NLE1: variants seen among roughly 807,000 people sequenced by gnomAD.
The protein encoded by NLE1 is notchless homolog 1, also known as notchless protein homolog 1.
In NLE1, 37 loss-of-function variants were observed where a neutral mutation model predicts 62.8. That is an observed-to-expected ratio of 0.59 (90% CI 0.45 to 0.78). The LOEUF is 0.78. Among genes scored for constraint, NLE1 ranks in the 30% least tolerant of loss-of-function variants. The pLI, the probability that NLE1 is intolerant of heterozygous loss-of-function variation, is 0.00. For missense variants in NLE1, 555 were observed against 637.9 expected, an observed-to-expected ratio of 0.87 and a Z score of 1.40; for synonymous variants, 243 against 253.0, an observed-to-expected ratio of 0.96 and a Z score of 0.37.
intron 4 of NLE1, 57 bp downstream of exon 4, chr17:35,139,177 AG>A (rs1321646980): frequency 1.4e-6 from 2 of 1,468,876 alleles, no homozygotes; most frequent in East Asian, 4.6e-5. Flanking sequence ...TGGTCAACAG[AG>A]CAAGACCTTG....
Position 35,136,171 on chromosome 17 carries a change from G to A in NLE1, c.1009C>T (p.Arg337Trp), listed in dbSNP as rs768695761. The A allele has an allele frequency of 1.4e-5, 23 of 1,614,012 alleles. No homozygotes were observed. The highest frequency in any genetic ancestry group is 4.0e-5 in the African/African-American group (3 of 74,912). The change falls in exon 9 of 13, where the codon CGG becomes TGG. Residue 337 changes from arginine (R) to tryptophan (W), a missense_variant and splice_region_variant. Transcript: ENST00000442241. ...ERALSRYNLV[R>W]GQGPERLVSG... ...GCACGTGGCTGGCACACACTCACCCGCACGAGGTTGTATCGGCTCAGAGCC... is the reference window on the plus strand; with the variant it reads ...GCACGTGGCTGGCACACACTCACCCACACGAGGTTGTATCGGCTCAGAGCC...
chr17:35,132,840 C>T (rs921309546), intron 12 of NLE1, among the ~76,000 whole-genome samples: 2 of 152,258 alleles, frequency 1.3e-5, no homozygotes, highest in African/African-American at 4.8e-5. Flanking sequence ...GGTCTTGCGA[C>T]TCTGAAGTCT....
At chr17:35,138,562 GCC>G (rs2091923739) in intron 4 of NLE1, among the ~76,000 whole-genome samples, 1 of 152,088 alleles carries the variant, frequency 6.6e-6, no homozygotes. Context: ...TTCTGCCTCA[GCC>G]TCCCCAGTGG....
At chr17:35,136,604 T>C (rs2091910496) in intron 7 of NLE1, 107 bp from the exon 8 acceptor site, 3 of 1,373,312 alleles carry the variant, frequency 2.2e-6, no homozygotes, top group East Asian at 2.4e-5. Flanking sequence ...CACTCATGCA[T>C]TGTGATCTTA....
In NLE1 at chr17:35,129,684, TGGG is replaced by T. The variant is rs747402264; in HGVS notation, c.*2750_*2752del. 1.2e-6 allele frequency: 2 copies of T among 1,607,444 alleles called. No homozygotes were observed. Among genetic ancestry groups the T allele is most frequent in the South Asian group, 2.2e-5 (2 of 90,292 alleles). ...GTGAGCCCTGGGAAAAGAGGGGCCT[TGGG>T]GGTGGAGAGAAGTCCAAAGCCAGGG... On this transcript the variant is annotated 3_prime_UTR_variant, in exon 13 of 13. Coordinates refer to ENST00000442241, the MANE Select transcript of NLE1 (RefSeq NM_018096.5).
Position 35,139,263 on chromosome 17 carries a change from G to T in NLE1, c.432C>A (p.Ser144Arg), listed in dbSNP as rs1485909774. The change falls in exon 4 of 13, where the codon AGC (serine) becomes AGA (arginine). Residue 144 changes from serine to arginine, a missense_variant. Transcript: ENST00000442241. ...GDTTVRFWDL[S>R]TETPHFTCKG... ...TGCATGTGAAATGTGGTGTCTCTGT[G>T]CTGAGATCCCAGAAGCGCACGGTGG... The T allele has an allele frequency of 6.2e-7, 1 of 1,613,988 alleles. No individual in the cohort carries two copies. The highest frequency in any genetic ancestry group is 8.5e-7 in the Non-Finnish European group (1 of 1,179,912).
intron 6 of NLE1, 71 bp downstream of exon 6, chr17:35,137,472 G>A (rs552781748): frequency 1.6e-6 from 2 of 1,269,222 alleles, no homozygotes; most frequent in East Asian, 2.4e-5. Context: ...AAACTTCTAT[G>A]CATTGGGCAG....
At chr17:35,137,458 C>G in intron 6 of NLE1, 85 bp downstream of exon 6, 3 of 1,164,728 alleles carry the variant, frequency 2.6e-6, no homozygotes, top group Non-Finnish European at 3.7e-6. Flanking sequence ...TGTCCCCTCA[C>G]GTAAAACTTC....
At position 35,130,538 on chromosome 17, in the gene NLE1, C is replaced by A. The variant is rs564841104; in HGVS notation, c.*1899G>T. On this transcript the variant is annotated 3_prime_UTR_variant, in exon 13 of 13. Coordinates refer to ENST00000442241, the MANE Select transcript of NLE1 (RefSeq NM_018096.5). ...CCATACCACCAGCACCCTGCGGGCC[C>A]GGGGTCTGGCAGAGTGGTATGGGCA... 268 of 1,269,592 alleles carry A rather than the reference C, an allele frequency of 2.1e-4. No individual in the cohort carries two copies. In the African/African-American group the frequency reaches 3.6e-3, roughly 17 times the overall value. 78.6% of individuals were successfully genotyped at this position (1,269,592 alleles called of 1,614,324 possible).
In NLE1 at chr17:35,130,594, T is replaced by A; in HGVS notation, c.*1843A>T. 2.7e-6 allele frequency: 2 copies of A among 751,864 alleles called. No homozygotes were observed. The highest frequency in any genetic ancestry group is 4.0e-4 in the Middle Eastern group (1 of 2,518). 46.6% of individuals were successfully genotyped at this position (751,864 alleles called of 1,614,324 possible). Reference sequence around the variant, plus strand: ...CCCCTGGGCTGGGGCCAAGGCTACATAGGGGCCCCATTCACCTGGAGGCAT... The same window carrying A: ...CCCCTGGGCTGGGGCCAAGGCTACAAAGGGGCCCCATTCACCTGGAGGCAT... On this transcript the variant is annotated 3_prime_UTR_variant, in exon 13 of 13. Coordinates refer to ENST00000442241, the MANE Select transcript of NLE1 (RefSeq NM_018096.5).
chr17:35,136,471 G>T lies in NLE1; in HGVS notation c.855C>A (p.Gly285=). The T allele has an allele frequency of 6.8e-6, 11 of 1,613,988 alleles. No homozygotes were observed. Among genetic ancestry groups the T allele is most frequent in the Non-Finnish European group, 8.5e-6 (10 of 1,179,906 alleles). The change falls in exon 8 of 13, where the codon GGC becomes GGA. Residue 285 remains glycine, a synonymous_variant. Transcript: ENST00000442241. ...CCATGGTGTTCACCCAGTGGCCGTG[G>T]CCTTGCAGAGTCCGGCACAGCACAC... is the stretch of plus-strand genomic sequence containing the variant. ...HDGVLCRTLQ[G]HGHWVNTMAL...
chr17:35,130,019 G>A lies in NLE1; in HGVS notation c.*2418C>T, dbSNP rs1190907539. ...AAGAGGCTAAAGGGGGACGAAGAAG[G>A]GAACAGCCTGGGTATGGGGTAGGGG... is the stretch of plus-strand genomic sequence containing the variant. On this transcript the variant is annotated 3_prime_UTR_variant, in exon 13 of 13. Coordinates refer to ENST00000442241, the MANE Select transcript of NLE1 (RefSeq NM_018096.5). The A allele has an allele frequency of 3.6e-6, 5 of 1,385,436 alleles. No individual in the cohort carries two copies. Among genetic ancestry groups the A allele is most frequent in the Non-Finnish European group, 9.3e-7 (1 of 1,072,372 alleles). The allele number at this position is 1,385,436 out of a possible 1,614,324, so 85.8% of individuals were successfully genotyped here. A position where few individuals can be genotyped will look rare whatever the true frequency, so the allele number is the denominator to read the frequency against.
chr17:35,132,975 C>G (rs1260622648), intron 12 of NLE1, among the ~76,000 whole-genome samples, 196 bp downstream of exon 12: 1 of 152,070 alleles, frequency 6.6e-6, no homozygotes, highest in Non-Finnish European at 1.5e-5. Flanking sequence ...GTCCTGTGGC[C>G]TCTGTTGTTC....
intron 9 of NLE1, 93 bp from the exon 10 acceptor site, chr17:35,135,544 C>T: frequency 8.9e-7 from 1 of 1,125,146 alleles, no homozygotes; most frequent in Non-Finnish European, 1.3e-6. Context: ...CCTGATTACT[C>T]AATGCCAGGG....
At chr17:35,140,987 A>G (rs34422727) in intron 2 of NLE1, among the ~76,000 whole-genome samples, 2,395 of 152,330 alleles carry the variant, frequency 0.016, 65 homozygotes, top group African/African-American at 0.054. Flanking sequence ...CAACTAAGTA[A>G]TTAGTTCAAT....
Position 35,137,604 on chromosome 17 carries a change from C to T in NLE1, c.574G>A (p.Gly192Ser), listed in dbSNP as rs890874721. 1 of 1,610,592 alleles carries T rather than the reference C, an allele frequency of 6.2e-7. No homozygotes were observed. The highest frequency in any genetic ancestry group is 8.5e-7 in the Non-Finnish European group (1 of 1,179,978). The change falls in exon 6 of 13, where the codon GGC (glycine) becomes AGC (serine). Residue 192 changes from glycine (G) to serine (S), a missense_variant. Gly to Ser is a moderately conservative substitution (Grantham distance 56, BLOSUM62 0). Coordinates refer to ENST00000442241, the MANE Select transcript of NLE1 (RefSeq NM_018096.5). ...LWDPSTGKQV[G>S]RTLAGHSKWI... ...TTGCTGTGGCCAGCGAGGGTCCTGCCCACCTGCTTCCCTGTGCTTGGGTCC... is the reference window on the plus strand; with the variant it reads ...TTGCTGTGGCCAGCGAGGGTCCTGCTCACCTGCTTCCCTGTGCTTGGGTCC...
Position 35,139,911 on chromosome 17 carries a change from G to GCAGCGAGTCA in NLE1, c.308_317dup (p.Thr107AspfsTer12). ...CACTGTGACCCTCCAAGGAGCTGGT[G>GCAGCGAGTCA]CAGCGAGTCACAGCCCGGACTCTGA... On this transcript the variant is annotated frameshift_variant, in exon 3 of 13. Transcript: ENST00000442241. LOFTEE classifies it high-confidence loss of function. 1 of 1,614,110 alleles carries GCAGCGAGTCA rather than the reference G, an allele frequency of 6.2e-7. No homozygotes were observed. Among genetic ancestry groups the GCAGCGAGTCA allele is most frequent in the Non-Finnish European group, 8.5e-7 (1 of 1,180,032 alleles).
intron 4 of NLE1, among the ~76,000 whole-genome samples, chr17:35,138,255 C>T (rs1156357901): frequency 6.6e-6 from 1 of 152,188 alleles, no homozygotes; most frequent in Non-Finnish European, 1.5e-5. Context: ...ACATGCCCTA[C>T]ACACACAAGG....
Position 35,129,332 on chromosome 17 carries a change from C to A in NLE1, c.*3105G>T. On this transcript the variant is annotated 3_prime_UTR_variant, in exon 13 of 13. Transcript: ENST00000442241. The stretch of plus-strand genomic sequence containing the variant: ...GGCCCCAGCAGGAGCAGGGGATGGG[C>A]ATGGGACGTCCTGACCCCAGTTGGG... 3 of 1,515,664 alleles carry A rather than the reference C, an allele frequency of 2.0e-6. No individual in the cohort carries two copies. The highest frequency in any genetic ancestry group is 1.8e-6 in the Non-Finnish European group (2 of 1,115,132). 93.9% of individuals were successfully genotyped at this position (1,515,664 alleles called of 1,614,324 possible).
Sources: allele counts gnomAD v4.1 joint callset (sites outside exome capture counted in the v4.1 genomes callset), GRCh38; gene constraint gnomAD v4.1.1; transcripts MANE v1.5; gene names NCBI Gene and HGNC (gene_info 2026-07-23, HGNC 2026-07-21).